Variants in VCAN observed in about 807,000 individuals in gnomAD.
VCAN encodes versican core protein.
VCAN carries 44 observed loss-of-function variants against 245.5 expected under a neutral mutation model. That is an observed-to-expected ratio of 0.18 (90% CI 0.14 to 0.23). The LOEUF (loss-of-function observed/expected upper bound fraction) is 0.23. Among genes scored for constraint, VCAN ranks in the 10% least tolerant of loss-of-function variants. The pLI, the probability that VCAN is intolerant of heterozygous loss-of-function variation, is 1.00. For missense variants in VCAN, 3,793 were observed against 4,057.9 expected (o/e 0.93, Z 1.77); for synonymous variants, 1,413 against 1,437.0 (o/e 0.98, Z 0.38).
chr5:83,496,403 C>A (rs1311965394), intron 5 of VCAN, among the ~76,000 whole-genome samples: 1 of 152,212 alleles, frequency 6.6e-6, no homozygotes, highest in Admixed American at 6.5e-5. Context: ...TGGAATATAG[C>A]ATAACTTTAC....
At chr5:83,543,955 C>T (rs1040732030) in intron 8 of VCAN, among the ~76,000 whole-genome samples, 17 of 152,200 alleles carry the variant, frequency 1.1e-4, no homozygotes, top group African/African-American at 3.9e-4. Context: ...TTAATTGGAA[C>T]GACTTCCAGT....
At chr5:83,479,553 T>C (rs1744541551) in intron 1 of VCAN, among the ~76,000 whole-genome samples, 1 of 152,146 alleles carries the variant, frequency 6.6e-6, no homozygotes, top group South Asian at 2.1e-4. Flanking sequence ...CTCATATCTC[T>C]CAGGTCTTTC....
intron 10 of VCAN, among the ~76,000 whole-genome samples, chr5:83,552,308 T>TG (rs957533551): frequency 6.6e-6 from 1 of 152,162 alleles, no homozygotes; most frequent in Non-Finnish European, 1.5e-5. Context: ...TCAGCAAATT[T>TG]GGGTGGGGGG....
intron 1 of VCAN, among the ~76,000 whole-genome samples, chr5:83,481,038 T>C (rs759887980): frequency 2.8e-4 from 42 of 152,102 alleles, no homozygotes; most frequent in Non-Finnish European, 5.3e-4. Flanking sequence ...TAGAGAGATA[T>C]AGTATTTTAC....
Position 83,493,949 on chromosome 5 carries a change from C to T in VCAN, c.748+18C>T. 1 of 1,613,840 alleles carries T rather than the reference C, an allele frequency of 6.2e-7. No homozygotes were observed. The highest frequency in any genetic ancestry group is 1.1e-5 in the South Asian group (1 of 90,934). On this transcript the variant is annotated intron_variant, in intron 5 of 14. Coordinates refer to ENST00000265077, the MANE Select transcript of VCAN (RefSeq NM_004385.5). ...TCTGGATGGTAAGATGTTTGAGTTT[C>T]TATATCTTCGTATGAACTGAGAAAA...
chr5:83,493,715 T>C lies in VCAN; in HGVS notation c.615T>C (p.Thr205=), dbSNP rs975705936. 1.5e-5 allele frequency: 24 copies of C among 1,614,030 alleles called. No homozygotes were observed. Among genetic ancestry groups the C allele is most frequent in the Non-Finnish European group, 1.8e-5 (21 of 1,180,026 alleles). Residue 205 remains threonine (T), a synonymous_variant, in exon 4 of 15, where the codon ACT becomes ACC. Coordinates refer to ENST00000265077, the MANE Select transcript of VCAN (RefSeq NM_004385.5). ...ACGCAGGCTGGCTGGCTGATCAGAC[T>C]GTCAGGTAAGAGGTCTGGGGGCCAC... ...QCDAGWLADQ[T]VRYPIRAPRV...
Position 83,520,059 on chromosome 5 carries a change from A to G in VCAN, c.1753A>G (p.Thr585Ala), listed in dbSNP as rs141074913. Residue 585 changes from threonine (T) to alanine (A), a missense_variant, in exon 7 of 15, where the codon ACT becomes GCT. By Grantham distance (58) the Thr-to-Ala change is moderately conservative. This residue lies in a region of VCAN where 3,182 missense variants were observed against 3,250.3 expected (regional missense o/e 0.98). Transcript: ENST00000265077. ...TCCTGAAGTCATTACGGTGTCAAAG[A>G]CTTCAGAAGACACCATCCACACTCA... The part of the protein sequence containing the change: ...QIPEVITVSK[T>A]SEDTIHTHLE... The G allele has an allele frequency of 1.6e-5, 26 of 1,613,978 alleles. No homozygotes were observed. In the African/African-American group the frequency reaches 3.1e-4, roughly 19 times the overall value.
intron 11 of VCAN, among the ~76,000 whole-genome samples, chr5:83,554,341 C>A (rs754204486): frequency 6.6e-6 from 1 of 152,158 alleles, no homozygotes; most frequent in African/African-American, 2.4e-5. Context: ...AATATTTTCT[C>A]GTGATGCCTA....
intron 6 of VCAN, among the ~76,000 whole-genome samples, chr5:83,517,581 T>C (rs184230930): frequency 1.8e-4 from 27 of 152,256 alleles, no homozygotes; most frequent in Non-Finnish European, 3.1e-4. Flanking sequence ...TTTCAGAGGA[T>C]AGAGAATTGA....
Position 83,541,346 on chromosome 5 carries a change from T to C in VCAN, c.8343T>C (p.Ser2781=). The change falls in exon 8 of 15, where the codon AGT becomes AGC. Residue 2781 remains serine (S), a synonymous_variant. Transcript: ENST00000265077. ...EALVDHTPYL[S]IATTHLMDQS... The stretch of plus-strand genomic sequence containing the variant: ...TAGTAGACCATACTCCCTATCTAAG[T>C]ATTGCTACTACCCACCTTATGGATC... The C allele has an allele frequency of 6.2e-7, 1 of 1,614,132 alleles. No individual in the cohort carries two copies. The highest frequency in any genetic ancestry group is 8.5e-7 in the Non-Finnish European group (1 of 1,180,008).
Position 83,471,767 on chromosome 5 carries a change from G to T in VCAN, c.-263G>T, listed in dbSNP as rs1744193245. ...CCGCATTTGAACTTGCAGGCGAGCT[G>T]CCCCGAGCCTTTCTGGGGAAGAACT... On this transcript the variant is annotated 5_prime_UTR_variant, in exon 1 of 15. Transcript: ENST00000265077. The T allele has an allele frequency of 2.5e-6, 1 of 398,660 alleles. No homozygotes were observed. 24.7% of individuals were successfully genotyped at this position (398,660 alleles called of 1,614,324 possible). A position where few individuals can be genotyped will look rare whatever the true frequency, so the allele number is the denominator to read the frequency against.
At chr5:83,516,153 TA>T (rs1745849186) in intron 6 of VCAN, among the ~76,000 whole-genome samples, 1 of 152,010 alleles carries the variant, frequency 6.6e-6, no homozygotes, top group Non-Finnish European at 1.5e-5. Context: ...ACCCTAACCC[TA>T]TCCCTAGCCT....
intron 10 of VCAN, among the ~76,000 whole-genome samples, chr5:83,553,042 G>T (rs909287375): frequency 6.6e-6 from 1 of 152,154 alleles, no homozygotes; most frequent in Non-Finnish European, 1.5e-5. Flanking sequence ...AGCCCCAGTT[G>T]CTTCACAAGT....
At chr5:83,549,265 T>C (rs1747364338) in intron 10 of VCAN, among the ~76,000 whole-genome samples, 1 of 152,194 alleles carries the variant, frequency 6.6e-6, no homozygotes, top group Admixed American at 6.5e-5. Flanking sequence ...GCATTGGAGA[T>C]AGAAATATGA....
At position 83,581,700 on chromosome 5, in the gene VCAN, G is replaced by C. The variant is rs544686778; in HGVS notation, c.*1266G>C. On this transcript the variant is annotated 3_prime_UTR_variant, in exon 15 of 15. Transcript: ENST00000265077. ...AAATGAGCGAATATATAGAAATAGT[G>C]TGGGCATTTCTTCCTGTTAGGTGGA... 9 of 152,284 alleles carry C rather than the reference G, an allele frequency of 5.9e-5. No homozygotes were observed. The South Asian group carries it at 1.9e-3, about 32-fold the overall frequency. 9.4% of individuals were successfully genotyped at this position (152,284 alleles called of 1,614,324 possible).
At chr5:83,532,596 T>G (rs978763210) in intron 7 of VCAN, among the ~76,000 whole-genome samples, 2 of 152,020 alleles carry the variant, frequency 1.3e-5, no homozygotes, top group African/African-American at 4.8e-5. Context: ...CGGTACACAC[T>G]GTAATCCCAG....
rs2112443511 is a variant in VCAN at position 83,538,906 on chromosome 5, A to G, written c.5903A>G (p.Gln1968Arg). 1.9e-6 allele frequency: 3 copies of G among 1,614,006 alleles called. No individual in the cohort carries two copies. Among genetic ancestry groups the G allele is most frequent in the Non-Finnish European group, 2.5e-6 (3 of 1,179,962 alleles). The change falls in exon 8 of 15, where the codon CAG becomes CGG. Residue 1968 changes from glutamine (Q) to arginine (R), a missense_variant. Around this residue, in one of 5 missense-constraint regions of VCAN, gnomAD observed 3,182 missense variants for 3,250.3 expected, o/e 0.98. Coordinates refer to ENST00000265077, the MANE Select transcript of VCAN (RefSeq NM_004385.5). ...GSGDAAFRDT[Q>R]TSPSTVPTSV... ...GGAGATGCAGCATTTAGGGACACCCAGACTTCACCATCTACAGTACCTACT... is the reference window on the plus strand; with the variant it reads ...GGAGATGCAGCATTTAGGGACACCCGGACTTCACCATCTACAGTACCTACT...
rs1745703988 is a variant in VCAN at position 83,512,618 on chromosome 5, T to C, written c.1042+222T>C. ...GGATTTTTAGAGGGGTGAGGAAATATCAGGTTAAGCTGTAACTGTGCTCTG... is the reference window on the plus strand; with the variant it reads ...GGATTTTTAGAGGGGTGAGGAAATACCAGGTTAAGCTGTAACTGTGCTCTG... On this transcript the variant is annotated intron_variant, in intron 6 of 14. Transcript: ENST00000265077. 14 of 569,408 alleles carry C rather than the reference T, an allele frequency of 2.5e-5. No homozygotes were observed. In the South Asian group the frequency reaches 2.8e-4, roughly 11 times the overall value. 35.3% of individuals were successfully genotyped at this position (569,408 alleles called of 1,614,324 possible).
At chr5:83,548,542 T>C (rs769170639) in intron 10 of VCAN, among the ~76,000 whole-genome samples, 5 of 152,196 alleles carry the variant, frequency 3.3e-5, no homozygotes, top group African/African-American at 4.8e-5. Flanking sequence ...TAGAAGATAT[T>C]GTGAATCTGC....
Sources: gnomAD v4.1 joint callset for allele counts (sites outside exome capture counted in the v4.1 genomes callset) on GRCh38, gnomAD v4.1.1 for gene constraint, gnomAD v4.1.1 regional missense constraint, MANE v1.5 for transcripts, NCBI Gene and HGNC (gene_info 2026-07-23, HGNC 2026-07-21) for gene names.